RAB28: variants seen among roughly 807,000 people sequenced by gnomAD.
The protein encoded by RAB28 is ras-related protein Rab-28.
A neutral mutation model predicts 31.7 loss-of-function variants in RAB28; 24 were observed. That is an observed-to-expected ratio of 0.76 (90% CI 0.55 to 1.06). RAB28 has a LOEUF of 1.06. RAB28 is among the 50% of genes least tolerant of loss of function. The pLI is 0.00. For synonymous variants in RAB28, 100 were observed against 90.4 expected, an observed-to-expected ratio of 1.11 and a Z score of -0.60; for missense variants, 254 against 258.5, an observed-to-expected ratio of 0.98 and a Z score of 0.12.
In RAB28 at chr4:13,460,835, C is replaced by T. The variant is rs759421906; in HGVS notation, c.262-7G>A. ...CATATACCAAGAGGACTCCCTGTCA[C>T]AAAAGAGTTACAAAATATCTGTAAT... On this transcript the variant is annotated splice_region_variant and splice_polypyrimidine_tract_variant and intron_variant, in intron 3 of 6. Transcript: ENST00000330852. 25 of 1,606,838 alleles carry T rather than the reference C, an allele frequency of 1.6e-5. No homozygotes were observed. Among genetic ancestry groups the T allele is most frequent in the Middle Eastern group, 3.3e-4 (2 of 6,052 alleles).
intron 4 of RAB28, among the ~76,000 whole-genome samples, chr4:13,403,824 T>A (rs1488184996): frequency 6.6e-6 from 1 of 152,218 alleles, no homozygotes; most frequent in Non-Finnish European, 1.5e-5. Flanking sequence ...CAAATGTTTA[T>A]AATACATAAG....
At chr4:13,387,267 T>C (rs935108754) in intron 4 of RAB28, among the ~76,000 whole-genome samples, 4 of 152,046 alleles carry the variant, frequency 2.6e-5, no homozygotes, top group African/African-American at 9.6e-5. Context: ...ATATAGGAAG[T>C]TAACATGATT....
chr4:13,457,999 T>C (rs1715389489), intron 4 of RAB28, among the ~76,000 whole-genome samples: 1 of 152,180 alleles, frequency 6.6e-6, no homozygotes. Context: ...GCCAACGCTT[T>C]GTATGACAAC....
At chr4:13,421,656 G>A (rs1037007939) in intron 4 of RAB28, among the ~76,000 whole-genome samples, 2 of 152,186 alleles carry the variant, frequency 1.3e-5, no homozygotes, top group African/African-American at 4.8e-5. Context: ...ATGGGGAAAG[G>A]ATTCCCTATT....
At chr4:13,424,413 CTG>C (rs1274739074) in intron 4 of RAB28, among the ~76,000 whole-genome samples, 1 of 152,162 alleles carries the variant, frequency 6.6e-6, no homozygotes, top group Non-Finnish European at 1.5e-5. Flanking sequence ...AACTTTCTTC[CTG>C]TGTGTCTGGG....
intron 4 of RAB28, chr4:13,459,680 C>G (rs1020195430): frequency 1.2e-6 from 1 of 855,438 alleles, no homozygotes; most frequent in African/African-American, 1.9e-5. Context: ...TACACTCTTT[C>G]TCAAAAAAAA....
intron 4 of RAB28, among the ~76,000 whole-genome samples, chr4:13,383,948 C>T (rs1729248026): frequency 6.6e-6 from 1 of 152,194 alleles, no homozygotes; most frequent in African/African-American, 2.4e-5. Flanking sequence ...GCCATACTTG[C>T]TTGCAGTGCA....
intron 4 of RAB28, among the ~76,000 whole-genome samples, chr4:13,407,278 A>C (rs1409860176): frequency 2.0e-5 from 3 of 151,956 alleles, no homozygotes; most frequent in Admixed American, 6.6e-5. Context: ...TTTCCCCATT[A>C]CTTGTTTTTG....
intron 3 of RAB28, among the ~76,000 whole-genome samples, chr4:13,468,508 TA>T (rs1560144622): frequency 6.6e-6 from 1 of 151,146 alleles, no homozygotes; most frequent in African/African-American, 2.4e-5. Context: ...AAAATAATTT[TA>T]AAATAGTTTG....
chr4:13,382,694 T>A (rs1358342884), intron 4 of RAB28, among the ~76,000 whole-genome samples: 2 of 6,496 alleles, frequency 3.1e-4, no homozygotes, highest in Non-Finnish European at 1.2e-3. Context: ...AAATATGGAA[T>A]TTTTTTTTTT....
intron 4 of RAB28, among the ~76,000 whole-genome samples, chr4:13,411,801 G>A (rs1236989963): frequency 1.3e-5 from 2 of 151,358 alleles, no homozygotes; most frequent in Admixed American, 1.3e-4. Flanking sequence ...AAACAAGGGA[G>A]GAGAAAAAAG....
chr4:13,459,302 C>T (rs150983167), intron 4 of RAB28, among the ~76,000 whole-genome samples: 2 of 152,238 alleles, frequency 1.3e-5, no homozygotes, highest in East Asian at 1.9e-4. Context: ...GATGGCCTAT[C>T]GTGGGACTTT....
chr4:13,398,606 A>G (rs983892576), intron 4 of RAB28, among the ~76,000 whole-genome samples: 1 of 151,952 alleles, frequency 6.6e-6, no homozygotes, highest in Non-Finnish European at 1.5e-5. Flanking sequence ...GCGAAACCCC[A>G]TCTCTACTAA....
At chr4:13,464,736 C>T (rs1715761695) in intron 3 of RAB28, among the ~76,000 whole-genome samples, 1 of 152,058 alleles carries the variant, frequency 6.6e-6, no homozygotes, top group South Asian at 2.1e-4. Context: ...ATTCTATTTA[C>T]CTGAATCTTA....
At chr4:13,441,620 A>G (rs1476317181) in intron 4 of RAB28, among the ~76,000 whole-genome samples, 1 of 152,240 alleles carries the variant, frequency 6.6e-6, no homozygotes, top group South Asian at 2.1e-4. Flanking sequence ...GTGACATACC[A>G]CACAAGTAAT....
intron 4 of RAB28, among the ~76,000 whole-genome samples, chr4:13,427,711 C>G (rs1229478875): frequency 2.0e-5 from 3 of 152,120 alleles, no homozygotes; most frequent in South Asian, 2.1e-4. Context: ...AAGCTGCAAT[C>G]AGAAAAATTC....
At chr4:13,475,091 TAAAC>T (rs1313851965) in intron 2 of RAB28, among the ~76,000 whole-genome samples, 2 of 151,710 alleles carry the variant, frequency 1.3e-5, no homozygotes, top group Non-Finnish European at 3.0e-5. Context: ...TATTTCCATT[TAAAC>T]AAACTATGTA....
At chr4:13,417,619 A>C in intron 4 of RAB28, among the ~76,000 whole-genome samples, 1 of 152,166 alleles carries the variant, frequency 6.6e-6, no homozygotes, top group East Asian at 1.9e-4. Flanking sequence ...TCTGGAGTGG[A>C]CCTCCAGCAA....
At chr4:13,397,834 T>C (rs1479786147) in intron 4 of RAB28, among the ~76,000 whole-genome samples, 1 of 152,204 alleles carries the variant, frequency 6.6e-6, no homozygotes, top group Non-Finnish European at 1.5e-5. Context: ...AGATTTTGCA[T>C]ATTGCTGCAA....
Sources: gnomAD v4.1 joint callset for allele counts (sites outside exome capture counted in the v4.1 genomes callset) on GRCh38, gnomAD v4.1.1 for gene constraint, MANE v1.5 for transcripts, NCBI Gene and HGNC (gene_info 2026-07-23, HGNC 2026-07-21) for gene names.